SLC12A1: variants seen among roughly 807,000 people sequenced by gnomAD.
SLC12A1 encodes the protein solute carrier family 12 member 1.
A neutral mutation model predicts 130.4 loss-of-function variants in SLC12A1; 89 were observed. That is an observed-to-expected ratio of 0.68 (90% CI 0.58 to 0.81). The LOEUF is 0.81. Among genes scored for constraint, SLC12A1 ranks in the 40% least tolerant of loss-of-function variants. The probability of loss-of-function intolerance (pLI) is 0.00; values close to 1 mark genes in which losing one functional copy is unlikely to be tolerated. For missense variants in SLC12A1, 1,310 were observed against 1,336.4 expected, an observed-to-expected ratio of 0.98 and a Z score of 0.31; for synonymous variants, 499 against 460.0, an observed-to-expected ratio of 1.08 and a Z score of -1.09.
intron 2 of SLC12A1, among the ~76,000 whole-genome samples, chr15:48,214,796 T>A (rs556815215): frequency 6.6e-6 from 1 of 152,252 alleles, no homozygotes; most frequent in East Asian, 1.9e-4. Context: ...AGTTTGGCCA[T>A]ATGTTGATCA....
intron 25 of SLC12A1, among the ~76,000 whole-genome samples, chr15:48,300,260 G>T (rs1015043868): frequency 2.6e-5 from 4 of 151,962 alleles, no homozygotes; most frequent in Non-Finnish European, 5.9e-5. Context: ...GAGCCCAGGG[G>T]GCAGAGGTGA....
chr15:48,279,447 A>T (rs2041988648), intron 20 of SLC12A1, among the ~76,000 whole-genome samples: 1 of 152,200 alleles, frequency 6.6e-6, no homozygotes, highest in African/African-American at 2.4e-5. Flanking sequence ...CTTTATAGAT[A>T]ATTTACCAGC....
intron 2 of SLC12A1, among the ~76,000 whole-genome samples, 189 bp downstream of exon 2, chr15:48,208,328 A>AT (rs911754425): frequency 3.0e-4 from 45 of 147,782 alleles, no homozygotes; most frequent in South Asian, 6.4e-4. Context: ...TTTTCTTTGG[A>AT]TTTTTTTTTT....
At chr15:48,212,319 G>T (rs893148771) in intron 2 of SLC12A1, among the ~76,000 whole-genome samples, 4 of 151,972 alleles carry the variant, frequency 2.6e-5, no homozygotes, top group African/African-American at 9.7e-5. Flanking sequence ...AAATGTTCTA[G>T]GCTTATATAA....
intron 19 of SLC12A1, among the ~76,000 whole-genome samples, chr15:48,270,785 TAC>T (rs951301077): frequency 0.02 from 256 of 12,924 alleles, 69 homozygotes; most frequent in East Asian, 0.033. Context: ...TATATATATA[TAC>T]ACACACACAC....
At chr15:48,249,720 G>A (rs1366396646) in intron 14 of SLC12A1, 44 bp downstream of exon 14, 2 of 1,361,006 alleles carry the variant, frequency 1.5e-6, no homozygotes, top group Non-Finnish European at 2.1e-6. Flanking sequence ...CAAACAGTTA[G>A]TTTGTCTCAA....
At position 48,207,725 on chromosome 15, in the gene SLC12A1, A is replaced by G; in HGVS notation, c.6A>G (p.Ser2=). The G allele has an allele frequency of 6.4e-7, 1 of 1,562,486 alleles. No individual in the cohort carries two copies. Among genetic ancestry groups the G allele is most frequent in the Non-Finnish European group, 8.6e-7 (1 of 1,156,840 alleles). ...TAAAAAATCAATTTTGGAAGATGTC[A>G]CTGAACAACTCTTCCAATGTATTTC... M[S]LNNSSNVFLD... Residue 2 remains serine, a synonymous_variant, in exon 2 of 27, where the codon TCA becomes TCG. Transcript: ENST00000380993.
At chr15:48,272,156 T>C (rs1016330522) in intron 19 of SLC12A1, among the ~76,000 whole-genome samples, 20 of 152,170 alleles carry the variant, frequency 1.3e-4, no homozygotes, top group Non-Finnish European at 1.5e-5. Flanking sequence ...TAAAGTTCAA[T>C]ATTAGGGTGA....
In SLC12A1 at chr15:48,229,192, G is replaced by A; in HGVS notation, c.728G>A (p.Gly243Glu). ...GTATGTTCATTTCTTGTTTCAGGTG[G>A]GGCCTACTATCTTATTTCCAGAAGT... is the stretch of plus-strand genomic sequence containing the variant. ...IATNGFVRGG[G>E]AYYLISRSLG... is the part of the protein sequence containing the mutation. The change falls in exon 6 of 27, where the codon GGG becomes GAG. Residue 243 changes from glycine to glutamate, a missense_variant. Coordinates refer to ENST00000380993, the MANE Select transcript of SLC12A1 (RefSeq NM_000338.3). The A allele has an allele frequency of 1.3e-6, 2 of 1,585,958 alleles. No individual in the cohort carries two copies. Among genetic ancestry groups the A allele is most frequent in the Non-Finnish European group, 1.7e-6 (2 of 1,164,946 alleles).
At chr15:48,238,054 G>A (rs561691027) in intron 9 of SLC12A1, among the ~76,000 whole-genome samples, 4 of 152,260 alleles carry the variant, frequency 2.6e-5, no homozygotes, top group African/African-American at 9.6e-5. Flanking sequence ...TATGATCCAC[G>A]GTAAGAAAAC....
chr15:48,223,931 A>C (rs1567307447), intron 4 of SLC12A1: 1 of 152,320 alleles, frequency 6.6e-6, no homozygotes, highest in Non-Finnish European at 1.5e-5. Context: ...CCTGCAAAAA[A>C]GCCTAGAGGC....
At chr15:48,220,100 C>T (rs1347097148) in intron 2 of SLC12A1, among the ~76,000 whole-genome samples, 3 of 107,666 alleles carry the variant, frequency 2.8e-5, no homozygotes, top group Non-Finnish European at 5.0e-5. Flanking sequence ...CACAGCAAGA[C>T]TCTGCCTCAA....
chr15:48,288,202 G>T lies in SLC12A1; in HGVS notation c.2761+28G>T, dbSNP rs764200936. ...AAAAACTTTCAGAAAATACACTAGG[G>T]ACAAGAATTTCAATTTTGATAAACT... On this transcript the variant is annotated intron_variant, in intron 22 of 26. Coordinates refer to ENST00000380993, the MANE Select transcript of SLC12A1 (RefSeq NM_000338.3). The T allele has an allele frequency of 2.5e-6, 4 of 1,596,858 alleles. No individual in the cohort carries two copies. In the South Asian group the frequency reaches 4.5e-5, roughly 18 times the overall value.
At chr15:48,207,306 T>C (rs555188428) in intron 1 of SLC12A1, among the ~76,000 whole-genome samples, 14 of 152,282 alleles carry the variant, frequency 9.2e-5, no homozygotes, top group African/African-American at 3.1e-4. Flanking sequence ...CAAACACAGG[T>C]AACATTTTAA....
chr15:48,241,591 T>C lies in SLC12A1; in HGVS notation c.1292T>C (p.Ile431Thr). 1 of 1,612,512 alleles carries C rather than the reference T, an allele frequency of 6.2e-7. No homozygotes were observed. Among genetic ancestry groups the C allele is most frequent in the Non-Finnish European group, 8.5e-7 (1 of 1,178,596 alleles). ...ACTGTTGCCTACTTAGGGGTTGCAATTTGTGTAGGTAAGTGGTACGTCTCC... is the reference window on the plus strand; with the variant it reads ...ACTGTTGCCTACTTAGGGGTTGCAACTTGTGTAGGTAAGTGGTACGTCTCC... ...ITTVAYLGVA[I>T]CVGACVVRDA... The change falls in exon 10 of 27, where the codon ATT becomes ACT. Residue 431 changes from isoleucine (I) to threonine (T), a missense_variant. Ile to Thr is a moderately conservative substitution (Grantham distance 89, BLOSUM62 -1). Coordinates refer to ENST00000380993, the MANE Select transcript of SLC12A1 (RefSeq NM_000338.3).
chr15:48,227,421 G>A, intron 5 of SLC12A1: 1 of 520,146 alleles, frequency 1.9e-6, no homozygotes, highest in South Asian at 2.2e-5. Context: ...CTAGTAAGAA[G>A]GTATGGAATA....
intron 19 of SLC12A1, among the ~76,000 whole-genome samples, chr15:48,273,843 C>T (rs1345419289): frequency 1.3e-5 from 2 of 152,080 alleles, no homozygotes; most frequent in African/African-American, 2.4e-5. Context: ...GAAGTATAAA[C>T]AAAGGACCTC....
intron 9 of SLC12A1, among the ~76,000 whole-genome samples, chr15:48,236,658 T>C (rs1024211192): frequency 2.6e-5 from 4 of 152,298 alleles, no homozygotes; most frequent in Admixed American, 1.3e-4. Context: ...TAGATTTTTA[T>C]ATTAGGGGCC....
At chr15:48,243,141 G>A (rs921936089) in intron 10 of SLC12A1, among the ~76,000 whole-genome samples, 2 of 152,036 alleles carry the variant, frequency 1.3e-5, no homozygotes, top group African/African-American at 4.8e-5. Flanking sequence ...GGCTTCATGG[G>A]AATTTGAGAG....
Sources: gnomAD v4.1 joint callset for allele counts (sites outside exome capture counted in the v4.1 genomes callset) on GRCh38, gnomAD v4.1.1 for gene constraint, MANE v1.5 for transcripts, NCBI Gene and HGNC (gene_info 2026-07-23, HGNC 2026-07-21) for gene names.